The following CYB5R4 variants were observed in gnomAD, a reference collection of about 807,000 sequenced individuals.
CYB5R4 encodes the protein N-terminal cytochrome b5 and cytochrome b5 oxidoreductase domain-containing protein.
CYB5R4 carries 55 observed loss-of-function variants against 70.2 expected under a neutral mutation model. That is an observed-to-expected ratio of 0.78 (90% CI 0.63 to 0.98). The LOEUF (loss-of-function observed/expected upper bound fraction) is 0.98. CYB5R4 is among the 50% of genes least tolerant of loss of function. CYB5R4 has a pLI of 0.00. For synonymous variants in CYB5R4, 197 were observed against 199.5 expected, an observed-to-expected ratio of 0.99 and a Z score of 0.11; for missense variants, 562 against 612.6, an observed-to-expected ratio of 0.92 and a Z score of 0.87.
At chr6:83,877,761 T>C (rs1419087648) in intron 2 of CYB5R4, among the ~76,000 whole-genome samples, 1 of 152,212 alleles carries the variant, frequency 6.6e-6, no homozygotes, top group East Asian at 1.9e-4. Flanking sequence ...GTCTAAATCA[T>C]AGCAGCGAGT....
intron 5 of CYB5R4, among the ~76,000 whole-genome samples, chr6:83,916,226 A>T (rs1197303157): frequency 6.6e-6 from 1 of 152,140 alleles, no homozygotes. Flanking sequence ...GAGGAAGAGG[A>T]AACAGTGGCT....
chr6:83,920,025 CCTG>C (rs1382622456), intron 7 of CYB5R4, among the ~76,000 whole-genome samples: 1 of 152,060 alleles, frequency 6.6e-6, no homozygotes, highest in African/African-American at 2.4e-5. Flanking sequence ...GTATTTATAA[CCTG>C]CTTCATGTAG....
chr6:83,895,993 A>G (rs9341968), intron 3 of CYB5R4, among the ~76,000 whole-genome samples: 15,966 of 152,098 alleles, frequency 0.1, 1,457 homozygotes, highest in East Asian at 0.26. Context: ...CTGATAGGCA[A>G]TTTAATGCCC....
chr6:83,863,339 A>G lies in CYB5R4; in HGVS notation c.76-836A>G, dbSNP rs909554753. 8.5e-5 allele frequency among the ~76,000 whole-genome samples: 13 copies of G among 152,156 alleles called. No homozygotes were observed. In the East Asian group the frequency reaches 2.1e-3, roughly 25 times the overall value. On this transcript the variant is annotated intron_variant, in intron 1 of 15. Transcript: ENST00000369681. ...GGCTGTATAGAAACAGGTACAGGCCATAGTTTGCCACCCCTTCCCTACAGT... is the reference window on the plus strand; with the variant it reads ...GGCTGTATAGAAACAGGTACAGGCCGTAGTTTGCCACCCCTTCCCTACAGT...
In CYB5R4 at chr6:83,959,994, G is replaced by C. The variant is rs1475561188; in HGVS notation, c.*116G>C. On this transcript the variant is annotated 3_prime_UTR_variant, in exon 16 of 16. Coordinates refer to ENST00000369681, the MANE Select transcript of CYB5R4 (RefSeq NM_016230.4). Reference sequence around the variant, plus strand: ...AAGGTTAACTAGAATCCAGCCTTCAGTTTCTTAAATGAAATCAAATGTTCC... The same window carrying C: ...AAGGTTAACTAGAATCCAGCCTTCACTTTCTTAAATGAAATCAAATGTTCC... 5.4e-6 allele frequency: 4 copies of C among 747,182 alleles called. No individual in the cohort carries two copies. Among genetic ancestry groups the C allele is most frequent in the Non-Finnish European group, 8.1e-6 (4 of 491,802 alleles). The allele number at this position is 747,182 out of a possible 1,614,324, so 46.3% of individuals were successfully genotyped here. A position where few individuals can be genotyped will look rare whatever the true frequency, so the allele number is the denominator to read the frequency against.
At chr6:83,928,132 G>A (rs866209656) in intron 10 of CYB5R4, among the ~76,000 whole-genome samples, 2 of 151,992 alleles carry the variant, frequency 1.3e-5, no homozygotes, top group Admixed American at 6.6e-5. Flanking sequence ...CAGGAACCAG[G>A]GACACAGACC....
chr6:83,899,552 C>T (rs2099462509), intron 3 of CYB5R4, among the ~76,000 whole-genome samples: 1 of 152,164 alleles, frequency 6.6e-6, no homozygotes, highest in Admixed American at 6.5e-5. Context: ...ACCAGCTCCT[C>T]CTTGTACCTC....
chr6:83,868,166 G>C (rs187337566), intron 2 of CYB5R4, among the ~76,000 whole-genome samples: 313 of 151,216 alleles, frequency 2.1e-3, no homozygotes, highest in African/African-American at 7.1e-3. Context: ...TGGTATCATA[G>C]TGCCTTTTTT....
rs2099461640 is a variant in CYB5R4 at position 83,895,011 on chromosome 6, G to T, written c.330+1389G>T. On this transcript the variant is annotated intron_variant, in intron 3 of 15. Coordinates refer to ENST00000369681, the MANE Select transcript of CYB5R4 (RefSeq NM_016230.4). ...TTAGGTGCATTTGCTTAAATGGCAG[G>T]ATCTCATTTGCTGTTAATGTTCTTC... Among the ~76,000 whole-genome samples, 2 of 152,198 alleles carry T rather than the reference G, an allele frequency of 1.3e-5. 1 individual carries two copies. Among genetic ancestry groups the T allele is most frequent in the Non-Finnish European group, 2.9e-5 (2 of 68,030 alleles).
At chr6:83,940,446 G>C (rs1176818290) in intron 13 of CYB5R4, 69 bp from the exon 14 acceptor site, 2 of 1,402,650 alleles carry the variant, frequency 1.4e-6, no homozygotes, top group African/African-American at 3.0e-5. Context: ...GTTCACTTTA[G>C]ACTTTCCATT....
intron 11 of CYB5R4, among the ~76,000 whole-genome samples, chr6:83,935,367 G>C (rs764903146): frequency 6.6e-5 from 10 of 152,020 alleles, no homozygotes; most frequent in Non-Finnish European, 1.5e-4. Context: ...TTACCACCTA[G>C]GTCTCAGAAG....
chr6:83,879,933 C>A (rs1338991984), intron 2 of CYB5R4, among the ~76,000 whole-genome samples: 2 of 152,108 alleles, frequency 1.3e-5, no homozygotes, highest in Non-Finnish European at 2.9e-5. Flanking sequence ...TGTGGTTCAT[C>A]TCCTCAGAGG....
chr6:83,879,436 C>A (rs2099459107), intron 2 of CYB5R4, among the ~76,000 whole-genome samples: 1 of 152,154 alleles, frequency 6.6e-6, no homozygotes, highest in South Asian at 2.1e-4. Context: ...GTTTTACACT[C>A]TTTCCAGCAG....
At chr6:83,887,739 A>G (rs1562830711) in intron 2 of CYB5R4, among the ~76,000 whole-genome samples, 1 of 151,812 alleles carries the variant, frequency 6.6e-6, no homozygotes, top group African/African-American at 2.4e-5. Context: ...AGTTTAAAAA[A>G]CAAAACACAC....
In CYB5R4 at chr6:83,940,495, GTTT is replaced by G; in HGVS notation, c.1260-11_1260-9del. On this transcript the variant is annotated splice_polypyrimidine_tract_variant and intron_variant, in intron 13 of 15. Coordinates refer to ENST00000369681, the MANE Select transcript of CYB5R4 (RefSeq NM_016230.4). ...AATGTAATTAATTAGTTATTTCTGA[GTTT>G]TTTTTTTTCTCTTAAGGAAAGTGAA... The G allele has an allele frequency of 8.1e-7, 1 of 1,239,422 alleles. No individual in the cohort carries two copies. The highest frequency in any genetic ancestry group is 1.5e-5 in the African/African-American group (1 of 65,752). The allele number at this position is 1,239,422 out of a possible 1,614,324, so 76.8% of individuals were successfully genotyped here. A position where few individuals can be genotyped will look rare whatever the true frequency, so the allele number is the denominator to read the frequency against.
At chr6:83,875,223 C>T (rs2099458342) in intron 2 of CYB5R4, among the ~76,000 whole-genome samples, 1 of 152,162 alleles carries the variant, frequency 6.6e-6, no homozygotes, top group African/African-American at 2.4e-5. Context: ...AGTAAATGTT[C>T]TTTGAGGCAT....
chr6:83,877,748 A>G (rs1384522316), intron 2 of CYB5R4, among the ~76,000 whole-genome samples: 1 of 152,208 alleles, frequency 6.6e-6, no homozygotes, highest in Non-Finnish European at 1.5e-5. Context: ...GGAGGGGACA[A>G]ATGTCTAAAT....
Position 83,893,503 on chromosome 6 carries a change from T to G in CYB5R4, c.230-19T>G, listed in dbSNP as rs1399161981. ...TGAGAAGTTCATTTAGGATATTATTTCTGTTTGCTTTGGTACAGGTTTCGT... is the reference window on the plus strand; with the variant it reads ...TGAGAAGTTCATTTAGGATATTATTGCTGTTTGCTTTGGTACAGGTTTCGT... On this transcript the variant is annotated intron_variant, in intron 2 of 15. Transcript: ENST00000369681. 2.1e-6 allele frequency: 3 copies of G among 1,449,962 alleles called. No homozygotes were observed. The highest frequency in any genetic ancestry group is 2.9e-6 in the Non-Finnish European group (3 of 1,043,908). 89.8% of individuals were successfully genotyped at this position (1,449,962 alleles called of 1,614,324 possible).
chr6:83,957,622 CAAA>C (rs34196225), intron 15 of CYB5R4, among the ~76,000 whole-genome samples: 2 of 66,940 alleles, frequency 3.0e-5, no homozygotes, highest in Non-Finnish European at 6.8e-5. Context: ...AACTCTGTCT[CAAA>C]AAAAAAAAAA....
Sources: allele counts gnomAD v4.1 joint callset (sites outside exome capture counted in the v4.1 genomes callset), GRCh38; gene constraint gnomAD v4.1.1; transcripts MANE v1.5; gene names NCBI Gene and HGNC (gene_info 2026-07-23, HGNC 2026-07-21).